Variants in PCCA observed in about 807,000 individuals in gnomAD.
PCCA encodes the protein propionyl-CoA carboxylase alpha chain, mitochondrial.
Under a neutral mutation model 101.3 loss-of-function variants are expected in PCCA, and 74 were observed. That is an observed-to-expected ratio of 0.73 (90% CI 0.61 to 0.89). The LOEUF is 0.89. Ranked by LOEUF, PCCA falls within the 40% of genes least tolerant of loss-of-function variation. PCCA has a pLI of 0.00. For missense variants in PCCA, 891 were observed against 907.0 expected, an observed-to-expected ratio of 0.98 and a Z score of 0.23; for synonymous variants, 294 against 313.6, an observed-to-expected ratio of 0.94 and a Z score of 0.66.
chr13:100,188,291 C>CAAAAAAAA (rs756051251), intron 6 of PCCA, among the ~76,000 whole-genome samples: 7 of 87,588 alleles, frequency 8.0e-5, no homozygotes, highest in Non-Finnish European at 1.3e-4. Context: ...GACTCTGTCT[C>CAAAAAAAA]AAAAAAACAA....
At chr13:100,168,650 G>T (rs374609754) in intron 6 of PCCA, among the ~76,000 whole-genome samples, 1 of 152,138 alleles carries the variant, frequency 6.6e-6, no homozygotes, top group Admixed American at 6.5e-5. Context: ...ATGTGACAAC[G>T]TAGCAGATGC....
intron 19 of PCCA, among the ~76,000 whole-genome samples, chr13:100,375,044 C>G (rs1319656856): frequency 6.6e-6 from 1 of 152,038 alleles, no homozygotes; most frequent in Admixed American, 6.6e-5. Context: ...TTAGCTGTAT[C>G]CCAGAGATTC....
At chr13:100,142,774 G>A (rs992826386) in intron 4 of PCCA, among the ~76,000 whole-genome samples, 4 of 152,070 alleles carry the variant, frequency 2.6e-5, no homozygotes, top group Admixed American at 1.3e-4. Flanking sequence ...ACACCCAGCT[G>A]AAATGAACCT....
intron 12 of PCCA, among the ~76,000 whole-genome samples, chr13:100,282,368 A>G (rs988187337): frequency 6.6e-5 from 10 of 152,196 alleles, no homozygotes; most frequent in Non-Finnish European, 1.3e-4. Flanking sequence ...CCTTCAGCCC[A>G]CCGCTGCACT....
intron 15 of PCCA, among the ~76,000 whole-genome samples, chr13:100,309,470 G>A (rs1481425858): frequency 1.3e-5 from 2 of 151,992 alleles, no homozygotes; most frequent in Non-Finnish European, 2.9e-5. Flanking sequence ...AGAAAAATAG[G>A]GAAAAAATGT....
chr13:100,171,889 G>A (rs1302845871), intron 6 of PCCA, among the ~76,000 whole-genome samples: 6 of 151,946 alleles, frequency 3.9e-5, no homozygotes, highest in Non-Finnish European at 7.4e-5. Context: ...AAAATTAGCC[G>A]GGCGTGGTGG....
chr13:100,408,904 G>A (rs534512034), intron 19 of PCCA, among the ~76,000 whole-genome samples: 9 of 152,216 alleles, frequency 5.9e-5, no homozygotes, highest in Non-Finnish European at 1.3e-4. Flanking sequence ...GTTAAAAAAT[G>A]CCTAGGAAAG....
intron 6 of PCCA, among the ~76,000 whole-genome samples, chr13:100,164,424 T>C (rs976715810): frequency 6.6e-6 from 1 of 152,214 alleles, no homozygotes; most frequent in African/African-American, 2.4e-5. Context: ...CAGCAGTTAC[T>C]AGGTAAAGCT....
intron 4 of PCCA, among the ~76,000 whole-genome samples, chr13:100,139,536 T>A (rs537817875): frequency 5.1e-4 from 78 of 152,230 alleles, no homozygotes; most frequent in Non-Finnish European, 8.4e-4. Flanking sequence ...ATGTTTTTTT[T>A]AATTTGATTA....
In PCCA at chr13:100,429,911, A is replaced by G. The variant is rs531096099; in HGVS notation, c.1845+4180A>G. 4.7e-4 allele frequency among the ~76,000 whole-genome samples: 71 copies of G among 152,114 alleles called. 2 individuals carry two copies. The South Asian group carries it at 0.014, about 30-fold the overall frequency. On this transcript the variant is annotated intron_variant, in intron 20 of 23. Transcript: ENST00000376285. ...TGTGAGCCATCACACCCAGCCAAAA[A>G]TATTTATTATATCTATATAAAAGCT...
intron 19 of PCCA, among the ~76,000 whole-genome samples, chr13:100,397,827 A>G (rs928618430): frequency 6.6e-6 from 1 of 152,182 alleles, no homozygotes; most frequent in Admixed American, 6.5e-5. Context: ...GATTAAGGAA[A>G]CTAGATGGAG....
At chr13:100,172,959 G>A (rs2055851458) in intron 6 of PCCA, among the ~76,000 whole-genome samples, 1 of 152,030 alleles carries the variant, frequency 6.6e-6, no homozygotes, top group Non-Finnish European at 1.5e-5. Flanking sequence ...AGATTATACA[G>A]CTTGTTGTGG....
At chr13:100,345,908 C>T (rs1282290143) in intron 18 of PCCA, among the ~76,000 whole-genome samples, 3 of 151,872 alleles carry the variant, frequency 2.0e-5, no homozygotes, top group Non-Finnish European at 4.4e-5. Context: ...ACAACAAAGC[C>T]TGGATGACAA....
chr13:100,460,971 G>A (rs1413327913), intron 21 of PCCA, among the ~76,000 whole-genome samples: 1 of 152,086 alleles, frequency 6.6e-6, no homozygotes, highest in Non-Finnish European at 1.5e-5. Context: ...AAGAACTTTG[G>A]GGAACTTTGG....
chr13:100,106,316 T>G (rs1332939647), intron 2 of PCCA, among the ~76,000 whole-genome samples: 1 of 152,194 alleles, frequency 6.6e-6, no homozygotes, highest in African/African-American at 2.4e-5. Context: ...AACCTCATAG[T>G]GAAGTTACAG....
intron 21 of PCCA, among the ~76,000 whole-genome samples, chr13:100,463,592 A>G (rs1376051932): frequency 6.6e-5 from 10 of 152,186 alleles, no homozygotes; most frequent in Admixed American, 5.2e-4. Flanking sequence ...TGAAATGCCA[A>G]GAGACATCTA....
chr13:100,125,783 A>G (rs1480265774), intron 4 of PCCA, among the ~76,000 whole-genome samples: 1 of 152,158 alleles, frequency 6.6e-6, no homozygotes, highest in African/African-American at 2.4e-5. Context: ...TGTTTTGATT[A>G]TCTTTGACTT....
chr13:100,146,733 G>A (rs1410698386), intron 4 of PCCA, among the ~76,000 whole-genome samples: 1 of 152,056 alleles, frequency 6.6e-6, no homozygotes, highest in Non-Finnish European at 1.5e-5. Context: ...ATCATGTTCA[G>A]TGATGGTGTA....
intron 4 of PCCA, among the ~76,000 whole-genome samples, chr13:100,152,432 A>G (rs2053443633): frequency 6.8e-6 from 1 of 147,850 alleles, no homozygotes; most frequent in Admixed American, 6.8e-5. Context: ...CTAGTTCTTG[A>G]TAGGTTTATT....
Sources: gnomAD v4.1 joint callset for allele counts (sites outside exome capture counted in the v4.1 genomes callset) on GRCh38, gnomAD v4.1.1 for gene constraint, MANE v1.5 for transcripts, NCBI Gene and HGNC (gene_info 2026-07-23, HGNC 2026-07-21) for gene names.